Variants in EMC2 observed in about 807,000 individuals in gnomAD.
EMC2 encodes ER membrane protein complex subunit 2.
In EMC2, 37 loss-of-function variants were observed where a neutral mutation model predicts 51.6. That is an observed-to-expected ratio of 0.72 (90% CI 0.55 to 0.94). The LOEUF (loss-of-function observed/expected upper bound fraction) is 0.94, where lower values mean the gene tolerates loss of function less well. EMC2 is among the 40% of genes least tolerant of loss of function. EMC2 has a pLI of 0.00. For missense variants in EMC2, 359 were observed against 350.9 expected, an observed-to-expected ratio of 1.02 and a Z score of -0.18; for synonymous variants, 131 against 112.4, an observed-to-expected ratio of 1.17 and a Z score of -1.04.
intron 5 of EMC2, among the ~76,000 whole-genome samples, chr8:108,468,012 A>G (rs1216361854): frequency 1.3e-5 from 2 of 152,200 alleles, no homozygotes; most frequent in Non-Finnish European, 2.9e-5. Context: ...CTAGTAAGTG[A>G]TAAGAGTTGG....
rs1245389186 is a variant in EMC2 at position 108,486,853 on chromosome 8, A to G, written c.*255A>G. ...GTCTCTTCATATCACATATACATGT[A>G]TATATATAAAACTCTAATGTAGTAT... On this transcript the variant is annotated 3_prime_UTR_variant, in exon 11 of 11. Coordinates refer to ENST00000220853, the MANE Select transcript of EMC2 (RefSeq NM_014673.5). The G allele has an allele frequency of 1.0e-5, 3 of 290,010 alleles. No homozygotes were observed. Among genetic ancestry groups the G allele is most frequent in the East Asian group, 6.0e-5 (1 of 16,634 alleles). The allele number at this position is 290,010 out of a possible 1,614,324, so 18.0% of individuals were successfully genotyped here. A position where few individuals can be genotyped will look rare whatever the true frequency, so the allele number is the denominator to read the frequency against.
chr8:108,482,656 C>T (rs1563703494), intron 10 of EMC2, among the ~76,000 whole-genome samples: 1 of 152,036 alleles, frequency 6.6e-6, no homozygotes, highest in Non-Finnish European at 1.5e-5. Flanking sequence ...ATGATCATGG[C>T]TCACTACACC....
At chr8:108,462,634 G>A (rs755719939) in intron 5 of EMC2, among the ~76,000 whole-genome samples, 1 of 152,122 alleles carries the variant, frequency 6.6e-6, no homozygotes, top group African/African-American at 2.4e-5. Context: ...ATCCTGCCAC[G>A]TGGTATATTA....
intron 10 of EMC2, among the ~76,000 whole-genome samples, chr8:108,484,590 T>C (rs1811102453): frequency 6.6e-6 from 1 of 152,020 alleles, no homozygotes; most frequent in Non-Finnish European, 1.5e-5. Flanking sequence ...ATTTTTTTTA[T>C]TTTTACTTTG....
At chr8:108,482,691 C>T (rs1260518681) in intron 10 of EMC2, among the ~76,000 whole-genome samples, 8 of 151,922 alleles carry the variant, frequency 5.3e-5, no homozygotes, top group African/African-American at 1.9e-4. Context: ...TTGAGTTATC[C>T]TCCTGCCTCA....
intron 10 of EMC2, among the ~76,000 whole-genome samples, chr8:108,484,334 T>A (rs1811097798): frequency 6.6e-6 from 1 of 152,080 alleles, no homozygotes; most frequent in South Asian, 2.1e-4. Context: ...ACAGAATAAT[T>A]GCATGTCAGA....
chr8:108,472,359 G>A (rs539258278), intron 7 of EMC2, among the ~76,000 whole-genome samples: 2 of 151,446 alleles, frequency 1.3e-5, no homozygotes, highest in Non-Finnish European at 2.9e-5. Context: ...TTGAAACAGA[G>A]GTGAATGTAC....
chr8:108,485,844 C>T (rs553717654), intron 10 of EMC2, among the ~76,000 whole-genome samples: 2 of 151,194 alleles, frequency 1.3e-5, no homozygotes, highest in Admixed American at 6.6e-5. Context: ...ATAGTAAAAT[C>T]CAATCCCAAT....
chr8:108,471,069 A>G (rs927131604), intron 7 of EMC2: 1 of 151,960 alleles, frequency 6.6e-6, no homozygotes, highest in African/African-American at 2.4e-5. Flanking sequence ...TAATGAATGT[A>G]TACTATATTC....
At chr8:108,458,677 C>G (rs1308038644) in intron 5 of EMC2, among the ~76,000 whole-genome samples, 1 of 152,116 alleles carries the variant, frequency 6.6e-6, no homozygotes, top group Admixed American at 6.6e-5. Context: ...GACCTTGGGC[C>G]TGGCTCATGA....
Position 108,486,493 on chromosome 8 carries a change from T to TTTTC in EMC2, c.808-16_808-15insCTTT. On this transcript the variant is annotated intron_variant, in intron 10 of 10. Coordinates refer to ENST00000220853, the MANE Select transcript of EMC2 (RefSeq NM_014673.5). ...TGAAATTGAGCCTAATTGAGCTTTT[T>TTTTC]TTTTTTTTTTTTAATTAGTTTGCAG... 6.6e-7 allele frequency: 1 copy of TTTTC among 1,509,700 alleles called. No individual in the cohort carries two copies. The highest frequency in any genetic ancestry group is 8.8e-7 in the Non-Finnish European group (1 of 1,137,202). The allele number at this position is 1,509,700 out of a possible 1,614,324, so 93.5% of individuals were successfully genotyped here.
At chr8:108,453,848 A>G (rs1180356023) in intron 4 of EMC2, among the ~76,000 whole-genome samples, 2 of 152,034 alleles carry the variant, frequency 1.3e-5, no homozygotes, top group African/African-American at 4.8e-5. Flanking sequence ...GGATTCATCT[A>G]TTTCTCCTTG....
At chr8:108,464,817 G>A (rs1177352413) in intron 5 of EMC2, among the ~76,000 whole-genome samples, 2 of 152,208 alleles carry the variant, frequency 1.3e-5, no homozygotes, top group Non-Finnish European at 2.9e-5. Flanking sequence ...TCCGTAAACG[G>A]TAAATGTGTA....
At chr8:108,457,647 G>C (rs1224125760) in intron 5 of EMC2, among the ~76,000 whole-genome samples, 1 of 152,024 alleles carries the variant, frequency 6.6e-6, no homozygotes, top group African/African-American at 2.4e-5. Context: ...ACTATCACAA[G>C]AACAGTGCAG....
chr8:108,444,974 T>C (rs1818842505), intron 1 of EMC2, among the ~76,000 whole-genome samples: 1 of 152,242 alleles, frequency 6.6e-6, no homozygotes. Flanking sequence ...TTAATGCTTT[T>C]TAAAAAATGT....
chr8:108,443,728 G>C, intron 1 of EMC2, 30 bp downstream of exon 1: 1 of 1,593,348 alleles, frequency 6.3e-7, no homozygotes. Context: ...GGTGCGGAAA[G>C]ACTAAAAGCG....
intron 5 of EMC2, among the ~76,000 whole-genome samples, chr8:108,457,321 C>CGTGTGT (rs765030855): frequency 4.5e-5 from 5 of 109,916 alleles, no homozygotes; most frequent in Non-Finnish European, 7.2e-5. Flanking sequence ...TAGGGATGTG[C>CGTGTGT]GTGTGTGTGC....
chr8:108,443,691 T>G lies in EMC2; in HGVS notation c.33T>G (p.Thr11=). 10 of 1,610,116 alleles carry G rather than the reference T, an allele frequency of 6.2e-6. No homozygotes were observed. Among genetic ancestry groups the G allele is most frequent in the Non-Finnish European group, 8.5e-6 (10 of 1,178,038 alleles). ...AGGTCTCAGAGCTTTACGATGTCAC[T>G]TGGGAAGGTAACTTCGGGTGGGGGC... MAKVSELYDV[T]WEEMRDKMRK... The change falls in exon 1 of 11, where the codon ACT becomes ACG. Residue 11 remains threonine (T), a synonymous_variant. Coordinates refer to ENST00000220853, the MANE Select transcript of EMC2 (RefSeq NM_014673.5).
chr8:108,486,622 A>G lies in EMC2; in HGVS notation c.*24A>G. The G allele has an allele frequency of 6.3e-7, 1 of 1,579,576 alleles. No homozygotes were observed. Among genetic ancestry groups the G allele is most frequent in the Non-Finnish European group, 8.6e-7 (1 of 1,166,706 alleles). ...AAGGTTTCAAAAACTCTTTGACATT[A>G]GATTTCACAACTGCACAATTGAACT... On this transcript the variant is annotated 3_prime_UTR_variant, in exon 11 of 11. Transcript: ENST00000220853.
Sources: allele counts gnomAD v4.1 joint callset (sites outside exome capture counted in the v4.1 genomes callset), GRCh38; gene constraint gnomAD v4.1.1; transcripts MANE v1.5; gene names NCBI Gene and HGNC (gene_info 2026-07-23, HGNC 2026-07-21).